The following SCNN1D variants were observed in gnomAD, a reference collection of about 807,000 sequenced individuals.
The protein encoded by SCNN1D is sodium channel epithelial 1 subunit delta, also known as epithelial sodium channel subunit delta.
In SCNN1D, 104 loss-of-function variants were observed where a neutral mutation model predicts 87.8. That is an observed-to-expected ratio of 1.18 (90% CI 1.01 to 1.39). The LOEUF is 1.39. SCNN1D is among the 40% of genes most tolerant of loss of function. The pLI, the probability that SCNN1D is intolerant of heterozygous loss-of-function variation, is 0.00. For missense variants in SCNN1D, 1,324 were observed against 1,093.9 expected (o/e 1.21, Z -2.97); for synonymous variants, 628 against 481.2 (o/e 1.31, Z -3.99).
At chr1:1,287,067 T>C (rs899416337) in intron 8 of SCNN1D, 42 bp from the exon 9 acceptor site, 4 of 1,578,030 alleles carry the variant, frequency 2.5e-6, no homozygotes, top group Admixed American at 1.7e-5. Flanking sequence ...GAGCGGGGCC[T>C]GGGCTGTAGC....
Position 1,286,620 on chromosome 1 carries a change from G to A in SCNN1D, c.912-148G>A, listed in dbSNP as rs570094699. ...CGGGGCCGACCTCACCGGCAGCCAC[G>A]GCCTCCAACTCCAGCTCTGGGTCCA... On this transcript the variant is annotated intron_variant, in intron 7 of 17. Transcript: ENST00000379116. 1.7e-4 allele frequency: 132 copies of A among 764,530 alleles called. 1 individual carries two copies. The highest frequency in any genetic ancestry group is 1.1e-3 in the South Asian group (59 of 54,426). 47.4% of individuals were successfully genotyped at this position (764,530 alleles called of 1,614,324 possible). A position where few individuals can be genotyped will look rare whatever the true frequency, so the allele number is the denominator to read the frequency against.
rs561877019 is a variant in SCNN1D, at chr1:1,291,686, C to T, written c.*76C>T. 102 of 1,159,436 alleles carry T rather than the reference C, an allele frequency of 8.8e-5. No individual in the cohort carries two copies. The East Asian group carries it at 2.5e-3, about 29-fold the overall frequency. The allele number at this position is 1,159,436 out of a possible 1,614,324, so 71.8% of individuals were successfully genotyped here. On this transcript the variant is annotated 3_prime_UTR_variant, in exon 18 of 18. Transcript: ENST00000379116. ...GGCAGCAGCAGGCTCCCCAGCGGCC[C>T]AGGGTGGGCCAGACCAGCAGCCCAG...
intron 4 of SCNN1D, among the ~76,000 whole-genome samples, chr1:1,282,826 C>T (rs1038453759): frequency 6.6e-6 from 1 of 151,512 alleles, no homozygotes; most frequent in Non-Finnish European, 1.5e-5. Context: ...GATCTCGGCT[C>T]ACTGCAAGCT....
At chr1:1,281,747 C>T (rs1640475651) in intron 3 of SCNN1D, 137 bp downstream of exon 3, 1 of 799,092 alleles carries the variant, frequency 1.3e-6, no homozygotes, top group Non-Finnish European at 1.9e-6. Context: ...GGTGCTCTGC[C>T]CCCGGCCAGG....
chr1:1,283,935 G>T (rs761921265), intron 4 of SCNN1D, 43 bp from the exon 5 acceptor site: 117 of 1,231,012 alleles, frequency 9.5e-5, no homozygotes, highest in Non-Finnish European at 1.2e-4. Flanking sequence ...GTCCTCCCTC[G>T]CCTGCAGCAC....
intron 5 of SCNN1D, among the ~76,000 whole-genome samples, chr1:1,284,552 G>C: frequency 6.7e-6 from 1 of 149,040 alleles, no homozygotes; most frequent in East Asian, 2.0e-4. Context: ...ACCACGGGGG[G>C]TGCACAGCGT....
At chr1:1,290,424 A>T in intron 13 of SCNN1D, 36 bp downstream of exon 13, 1 of 1,609,804 alleles carries the variant, frequency 6.2e-7, no homozygotes, top group Non-Finnish European at 8.5e-7. Flanking sequence ...TCTGTCAGCC[A>T]TTAGCCGGGG....
chr1:1,281,687 C>A, intron 3 of SCNN1D, 77 bp downstream of exon 3: 2 of 1,323,398 alleles, frequency 1.5e-6, no homozygotes, highest in Non-Finnish European at 2.1e-6. Flanking sequence ...CGTGATCCAG[C>A]CGAGATGTGC....
In SCNN1D at chr1:1,287,781, G is replaced by A. The variant is rs1640634467; in HGVS notation, c.1508G>A (p.Gly503Glu). The A allele has an allele frequency of 6.9e-6, 11 of 1,594,722 alleles. No individual in the cohort carries two copies. Among genetic ancestry groups the A allele is most frequent in the Non-Finnish European group, 9.4e-6 (11 of 1,171,278 alleles). The change falls in exon 11 of 18, where the codon GGG (glycine) becomes GAG (glutamate). Residue 503 changes from glycine (G) to glutamate (E), a missense_variant. Coordinates refer to ENST00000379116, the MANE Select transcript of SCNN1D (RefSeq NM_001130413.4). ...GGCCGTAACCACACGCCCTTCCTGGGGCACCACAGCTTCAGCGTCCGGCCA... is the reference window on the plus strand; with the variant it reads ...GGCCGTAACCACACGCCCTTCCTGGAGCACCACAGCTTCAGCGTCCGGCCA... ...VHGRNHTPFLGHHSFSVRPGT... is the reference protein window; with the variant it reads ...VHGRNHTPFLEHHSFSVRPGT...
intron 5 of SCNN1D, 100 bp from the exon 6 acceptor site, chr1:1,285,471 G>A: frequency 5.2e-6 from 4 of 771,442 alleles, no homozygotes. Flanking sequence ...TGGGGGCTGG[G>A]GTGGGTGCAG....
Position 1,287,288 on chromosome 1 carries a change from C to G in SCNN1D, c.1299C>G (p.Asp433Glu), listed in dbSNP as rs752237832. ...TCTCCTGCAGTTACGATGGCCTGGA[C>G]TGCCAGGCCCGGTGAGTGTGGCGGG... Reference protein sequence around the residue: ...FVLSCSYDGLDCQARQFRTFH... With the variant: ...FVLSCSYDGLECQARQFRTFH... Residue 433 changes from aspartate (D) to glutamate (E), a missense_variant, in exon 9 of 18, where the codon GAC (aspartate) becomes GAG (glutamate). Coordinates refer to ENST00000379116, the MANE Select transcript of SCNN1D (RefSeq NM_001130413.4). The G allele has an allele frequency of 1.2e-5, 19 of 1,594,478 alleles. No homozygotes were observed. Among genetic ancestry groups the G allele is most frequent in the African/African-American group, 4.0e-5 (3 of 74,656 alleles).
chr1:1,284,709 CTGCGTGTCCAGGCGCTG>C (rs1239030221), intron 5 of SCNN1D, among the ~76,000 whole-genome samples: 1 of 152,082 alleles, frequency 6.6e-6, no homozygotes, highest in African/African-American at 2.4e-5. Context: ...ACTGCAGATA[CTGCGTGTCCAGGCGCTG>C]TGCATCCCGT....
rs1328326279 is a variant in SCNN1D at position 1,281,602 on chromosome 1, G to A, written c.269G>A (p.Cys90Tyr). The change falls in exon 3 of 18, where the codon TGT (cysteine) becomes TAT (tyrosine). Residue 90 changes from cysteine to tyrosine, a missense_variant. Cys to Tyr is a radical substitution (Grantham distance 194, BLOSUM62 -2). Transcript: ENST00000379116. ...LCLLSGPIQG[C>Y]GTGLGDSSMA... ...CTACTCTCTGGCCCGATACAGGGGT[G>A]TGGGACAGGTGACTGAACCTCAGCC... The A allele has an allele frequency of 3.9e-6, 6 of 1,535,282 alleles. No individual in the cohort carries two copies. The highest frequency in any genetic ancestry group is 4.9e-5 in the East Asian group (2 of 40,930).
At chr1:1,281,205 C>G in intron 1 of SCNN1D, 21 bp from the exon 2 acceptor site, 2 of 1,533,208 alleles carry the variant, frequency 1.3e-6, no homozygotes, top group Non-Finnish European at 1.7e-6. Context: ...CCCACAGATG[C>G]CAGGCGCCTG....
intron 5 of SCNN1D, among the ~76,000 whole-genome samples, chr1:1,284,787 G>A (rs868180704): frequency 6.6e-6 from 1 of 152,112 alleles, no homozygotes; most frequent in Non-Finnish European, 1.5e-5. Context: ...AGAGGCCAGT[G>A]TAGTCCTGTC....
intron 1 of SCNN1D, 181 bp from the exon 2 acceptor site, chr1:1,281,045 G>C: frequency 1.6e-6 from 1 of 637,836 alleles, no homozygotes. Flanking sequence ...GGCCACCCCT[G>C]GCCTGCCCAT....
chr1:1,287,832 G>C lies in SCNN1D; in HGVS notation c.1559G>C (p.Arg520Pro). 6.5e-7 allele frequency: 1 copy of C among 1,547,034 alleles called. No individual in the cohort carries two copies. Among genetic ancestry groups the C allele is most frequent in the South Asian group, 1.2e-5 (1 of 83,650 alleles). ...RPGTEATISIREDEVHRLGSP... is the reference protein window; with the variant it reads ...RPGTEATISIPEDEVHRLGSP... ...GGGACGGAGGCCACCATCAGCATCC[G>C]AGAGGTGAGCTGGCCTCTGCAGCCA... Residue 520 changes from arginine to proline, a missense_variant, in exon 11 of 18, where the codon CGA becomes CCA. Arg to Pro is a moderately radical substitution (Grantham distance 103, BLOSUM62 -2). Transcript: ENST00000379116.
At chr1:1,283,851 G>A (rs1362174143) in intron 4 of SCNN1D, 127 bp from the exon 5 acceptor site, 23 of 491,236 alleles carry the variant, frequency 4.7e-5, no homozygotes, top group Non-Finnish European at 7.8e-5. Flanking sequence ...GATTTCACCT[G>A]CAGAGGGATG....
Position 1,287,220 on chromosome 1 carries a change from G to A in SCNN1D, c.1231G>A (p.Ala411Thr). Residue 411 changes from alanine (A) to threonine (T), a missense_variant, in exon 9 of 18, where the codon GCA (alanine) becomes ACA (threonine). Ala to Thr is a moderately conservative substitution (Grantham distance 58, BLOSUM62 0). Coordinates refer to ENST00000379116, the MANE Select transcript of SCNN1D (RefSeq NM_001130413.4). ...YVDILALLPA[A>T]WEDSHGSQDG... is the part of the protein sequence containing the mutation. ...GGATATCCTGGCCCTGCTGCCCGCG[G>A]CATGGGAGGACAGCCACGGGAGCCA... is the stretch of plus-strand genomic sequence containing the variant. 6.2e-7 allele frequency: 1 copy of A among 1,611,848 alleles called. No individual in the cohort carries two copies. The highest frequency in any genetic ancestry group is 1.1e-5 in the South Asian group (1 of 91,022).
Sources: allele counts gnomAD v4.1 joint callset (sites outside exome capture counted in the v4.1 genomes callset), GRCh38; gene constraint gnomAD v4.1.1; transcripts MANE v1.5; gene names NCBI Gene and HGNC (gene_info 2026-07-23, HGNC 2026-07-21).